GRM3: variants seen among roughly 807,000 people sequenced by gnomAD.
The protein encoded by GRM3 is glutamate metabotropic receptor 3, also known as metabotropic glutamate receptor 3.
A neutral mutation model predicts 70.5 loss-of-function variants in GRM3; 26 were observed. The observed-to-expected ratio is 0.37, with a 90% CI of 0.27 to 0.51. The LOEUF is 0.51. Among genes scored for constraint, GRM3 ranks in the 20% least tolerant of loss-of-function variants. The pLI, the probability that GRM3 is intolerant of heterozygous loss-of-function variation, is 0.93. For missense variants in GRM3, 859 were observed against 1,123.8 expected (o/e 0.76, Z 3.37); for synonymous variants, 443 against 434.9 (o/e 1.02, Z -0.23).
chr7:86,720,640 TC>T (rs1795435907), intron 1 of GRM3, among the ~76,000 whole-genome samples: 1 of 152,100 alleles, frequency 6.6e-6, no homozygotes, highest in Non-Finnish European at 1.5e-5. Context: ...TTACTACTTA[TC>T]CCCTTCTCAA....
At chr7:86,662,976 A>G (rs1322810522) in intron 1 of GRM3, among the ~76,000 whole-genome samples, 1 of 152,014 alleles carries the variant, frequency 6.6e-6, no homozygotes, top group African/African-American at 2.4e-5. Context: ...ATTTAAAAAA[A>G]CTGCCCCAAA....
chr7:86,786,948 C>G lies in GRM3; in HGVS notation c.1156C>G (p.Gln386Glu), dbSNP rs1183775944. Reference sequence around the variant, plus strand: ...GGCCATCGACAGCAGCAACTACGAGCAAGAGTCCAAGATCATGTTTGTGGT... The same window carrying G: ...GGCCATCGACAGCAGCAACTACGAGGAAGAGTCCAAGATCATGTTTGTGGT... ...HLAIDSSNYE[Q>E]ESKIMFVVNA... Residue 386 changes from glutamine (Q) to glutamate (E), a missense_variant, in exon 3 of 6, where the codon CAA becomes GAA. Gln to Glu is a conservative substitution (Grantham distance 29). Transcript: ENST00000361669. This position sits in a 1 kb window ranked among gnomAD's most constrained non-coding sequence, Gnocchi z 6.0. The G allele has an allele frequency of 6.2e-7, 1 of 1,614,120 alleles. No individual in the cohort carries two copies. The highest frequency in any genetic ancestry group is 2.2e-5 in the East Asian group (1 of 44,862).
At chr7:86,802,138 A>G (rs1367053306) in intron 3 of GRM3, among the ~76,000 whole-genome samples, 1 of 152,180 alleles carries the variant, frequency 6.6e-6, no homozygotes, top group Non-Finnish European at 1.5e-5. Context: ...AGGTTGGTAG[A>G]TATTATTTCC....
intron 3 of GRM3, among the ~76,000 whole-genome samples, chr7:86,834,586 T>A (rs927328317): frequency 1.1e-5 from 1 of 90,618 alleles, no homozygotes; most frequent in Non-Finnish European, 2.2e-5. Flanking sequence ...GCTTTCTCCA[T>A]TTTTTTTTTT....
At chr7:86,707,125 A>G (rs1182740885) in intron 1 of GRM3, among the ~76,000 whole-genome samples, 3 of 152,108 alleles carry the variant, frequency 2.0e-5, no homozygotes, top group African/African-American at 7.2e-5. Flanking sequence ...CCTTGAGCAT[A>G]TCTACACTTT....
Position 86,686,304 on chromosome 7 carries a change from A to G in GRM3, c.-141+41432A>G, listed in dbSNP as rs181162470. 7.9e-5 allele frequency among the ~76,000 whole-genome samples: 12 copies of G among 152,302 alleles called. 1 individual carries two copies. The South Asian group carries it at 1.7e-3, about 21-fold the overall frequency. The stretch of plus-strand genomic sequence containing the variant: ...CTCTTGCTTCACTGAAGAGACAAAT[A>G]TAAGAGTTTAGAGCTGCCAGAAAAG... On this transcript the variant is annotated intron_variant, in intron 1 of 5. Transcript: ENST00000361669.
rs147411734 is a variant in GRM3 at position 86,698,758 on chromosome 7, G to T, written c.-141+53886G>T. ...TGGGTTACCCATGTGAATCTGAAAA[G>T]CCCTTAAGAACACTTTCCCAGAAAA... On this transcript the variant is annotated intron_variant, in intron 1 of 5. Transcript: ENST00000361669. 9.2e-5 allele frequency among the ~76,000 whole-genome samples: 14 copies of T among 152,038 alleles called. No individual in the cohort carries two copies. In the East Asian group the frequency reaches 2.7e-3, roughly 29 times the overall value.
At chr7:86,684,618 C>G (rs1459371742) in intron 1 of GRM3, among the ~76,000 whole-genome samples, 1 of 152,172 alleles carries the variant, frequency 6.6e-6, no homozygotes, top group African/African-American at 2.4e-5. Context: ...TCCATTATCC[C>G]TCTTGCTCTT....
intron 1 of GRM3, among the ~76,000 whole-genome samples, chr7:86,706,125 C>T (rs912689325): frequency 8.6e-5 from 13 of 152,008 alleles, no homozygotes; most frequent in Non-Finnish European, 1.5e-4. Context: ...CTAAGAGACA[C>T]AATTTATAAT....
At chr7:86,820,411 A>C (rs1267965933) in intron 3 of GRM3, among the ~76,000 whole-genome samples, 2 of 152,122 alleles carry the variant, frequency 1.3e-5, no homozygotes, top group Non-Finnish European at 2.9e-5. Context: ...ATTTTTAAAG[A>C]GATAATAGAA....
chr7:86,644,306 G>A lies in GRM3; in HGVS notation c.-707G>A, dbSNP rs1387309844. Reference sequence around the variant, plus strand: ...CAGATATACCCTTATAAGAGGGAGGGTGGGGGAGGGAAAAGAACGAGAGAG... The same window carrying A: ...CAGATATACCCTTATAAGAGGGAGGATGGGGGAGGGAAAAGAACGAGAGAG... On this transcript the variant is annotated 5_prime_UTR_variant, in exon 1 of 6. It adds an upstream start codon to the 5' untranslated region. Coordinates refer to ENST00000361669, the MANE Select transcript of GRM3 (RefSeq NM_000840.3). 4 of 270,364 alleles carry A rather than the reference G, an allele frequency of 1.5e-5. No homozygotes were observed. Among genetic ancestry groups the A allele is most frequent in the African/African-American group, 9.2e-5 (4 of 43,662 alleles). The allele number at this position is 270,364 out of a possible 1,614,324, so 16.7% of individuals were successfully genotyped here.
intron 3 of GRM3, among the ~76,000 whole-genome samples, chr7:86,823,455 T>C (rs1234849960): frequency 6.6e-6 from 1 of 152,100 alleles, no homozygotes; most frequent in Admixed American, 6.6e-5. Context: ...ATGCTGCCAC[T>C]AAATCACTTT....
intron 5 of GRM3, among the ~76,000 whole-genome samples, chr7:86,854,719 T>C (rs1293078684): frequency 2.6e-5 from 4 of 152,142 alleles, no homozygotes; most frequent in African/African-American, 7.2e-5. Context: ...GCTGTTTCAA[T>C]AGAAGTGGTC....
chr7:86,694,188 C>T (rs1289774677), intron 1 of GRM3, among the ~76,000 whole-genome samples: 1 of 151,972 alleles, frequency 6.6e-6, no homozygotes, highest in African/African-American at 2.4e-5. Context: ...TAACAACTGA[C>T]CAAATAACTC....
In GRM3 at chr7:86,793,016, C is replaced by CTTTTTTTT. The variant is rs140134217; in HGVS notation, c.1324+5916_1324+5923dup. On this transcript the variant is annotated intron_variant, in intron 3 of 5. Coordinates refer to ENST00000361669, the MANE Select transcript of GRM3 (RefSeq NM_000840.3). Reference sequence around the variant, plus strand: ...TTGGCTTAGTTCATTGGTTGGTTGCCTTTTTTTTTTTTTTTTTTTTTTTGC... The same window carrying CTTTTTTTT: ...TTGGCTTAGTTCATTGGTTGGTTGCCTTTTTTTTTTTTTTTTTTTTTTTTTTTTTTTGC... Among the ~76,000 whole-genome samples, 7 of 94,360 alleles carry CTTTTTTTT rather than the reference C, an allele frequency of 7.4e-5. 1 individual carries two copies. The highest frequency in any genetic ancestry group is 6.1e-5 in the Non-Finnish European group (3 of 49,046). The allele number at this position is 94,360 out of a possible 152,430, so 61.9% of individuals were successfully genotyped here. A position where few individuals can be genotyped will look rare whatever the true frequency, so the allele number is the denominator to read the frequency against.
intron 1 of GRM3, among the ~76,000 whole-genome samples, chr7:86,722,123 A>G (rs184143748): frequency 1.7e-3 from 254 of 152,200 alleles, no homozygotes; most frequent in Admixed American, 5.8e-3. Flanking sequence ...GAGGCTTCTG[A>G]AAAGTACAGA....
intron 1 of GRM3, among the ~76,000 whole-genome samples, chr7:86,691,951 G>A (rs920293133): frequency 2.0e-5 from 3 of 152,100 alleles, no homozygotes; most frequent in Admixed American, 1.3e-4. Flanking sequence ...TGTCCTACAG[G>A]CAATAAAACT....
chr7:86,836,025 ACCAGAC>A (rs1380274989), intron 3 of GRM3, among the ~76,000 whole-genome samples: 1 of 152,208 alleles, frequency 6.6e-6, no homozygotes, highest in Non-Finnish European at 1.5e-5. Flanking sequence ...TTAAGATACA[ACCAGAC>A]CCTCTAAAAG....
intron 1 of GRM3, among the ~76,000 whole-genome samples, chr7:86,733,863 A>G (rs1016079176): frequency 3.9e-5 from 6 of 152,212 alleles, no homozygotes; most frequent in Non-Finnish European, 8.8e-5. Context: ...TTTTACTGAC[A>G]CTAGTGGCTC....
Sources: allele counts gnomAD v4.1 joint callset (sites outside exome capture counted in the v4.1 genomes callset), GRCh38; gene constraint gnomAD v4.1.1; non-coding constraint Gnocchi (gnomAD v3.1); transcripts MANE v1.5; gene names NCBI Gene and HGNC (gene_info 2026-07-23, HGNC 2026-07-21).